The following ERC2 variants were observed in gnomAD, a reference collection of about 807,000 sequenced individuals.
The protein encoded by ERC2 is ELKS/RAB6-interacting/CAST family member 2, also known as ERC protein 2.
A neutral mutation model predicts 114.8 loss-of-function variants in ERC2; 42 were observed. The observed-to-expected ratio is 0.37, with a 90% CI of 0.29 to 0.47. ERC2 has a LOEUF of 0.47. ERC2 is among the 20% of genes least tolerant of loss of function. ERC2 has a pLI of 0.99. For synonymous variants in ERC2, 454 were observed against 425.5 expected (o/e 1.07, Z -0.82); for missense variants, 939 against 1,150.7 (o/e 0.82, Z 2.66).
At position 55,732,942 on chromosome 3, in the gene ERC2, CCA is replaced by C. The variant is rs538884419; in HGVS notation, c.2712+1827_2712+1828del. On this transcript the variant is annotated intron_variant, in intron 15 of 17. Transcript: ENST00000288221. ...AGGTTGGATGAGCTCTTATGCACCCCCACCCCCAATGACGGGGGCAAGTGTCT... is the reference window on the plus strand; with the variant it reads ...AGGTTGGATGAGCTCTTATGCACCCCCCCCCAATGACGGGGGCAAGTGTCT... Among the ~76,000 whole-genome samples the C allele has an allele frequency of 8.1e-3, 1,228 of 152,194 alleles. 12 individuals are homozygous for C. The highest frequency in any genetic ancestry group is 0.013 in the Non-Finnish European group (913 of 67,984).
At chr3:55,869,110 G>C (rs1291417148) in intron 14 of ERC2, among the ~76,000 whole-genome samples, 1 of 152,166 alleles carries the variant, frequency 6.6e-6, no homozygotes, top group African/African-American at 2.4e-5. Flanking sequence ...CAATGTGAAT[G>C]TAAACAATGT....
chr3:56,201,365 T>A (rs1045482610), intron 3 of ERC2, among the ~76,000 whole-genome samples: 1 of 152,216 alleles, frequency 6.6e-6, no homozygotes, highest in Non-Finnish European at 1.5e-5. Context: ...ATAAAACATA[T>A]GATGGAGCCC....
chr3:56,246,370 C>T (rs552145574), intron 3 of ERC2, among the ~76,000 whole-genome samples: 8 of 152,176 alleles, frequency 5.3e-5, no homozygotes, highest in Non-Finnish European at 1.2e-4. Flanking sequence ...CACACATCCA[C>T]CTTGTGACAA....
At chr3:55,602,756 C>G (rs1013271515) in intron 17 of ERC2, among the ~76,000 whole-genome samples, 6 of 152,146 alleles carry the variant, frequency 3.9e-5, no homozygotes, top group Non-Finnish European at 7.4e-5. Context: ...CATTCACCCC[C>G]CCAATGAACG....
chr3:56,059,804 G>A (rs1431484823), intron 7 of ERC2, among the ~76,000 whole-genome samples: 1 of 152,128 alleles, frequency 6.6e-6, no homozygotes, highest in African/African-American at 2.4e-5. Context: ...TTTAGCTATT[G>A]TACAACTTGG....
chr3:55,689,844 C>G (rs1050299281), intron 16 of ERC2, among the ~76,000 whole-genome samples: 1 of 151,684 alleles, frequency 6.6e-6, no homozygotes, highest in Non-Finnish European at 1.5e-5. Context: ...AATGGGACTA[C>G]CATATCCTGG....
intron 1 of ERC2, among the ~76,000 whole-genome samples, chr3:56,459,114 C>T (rs1261044288): frequency 6.6e-6 from 1 of 152,174 alleles, no homozygotes; most frequent in East Asian, 1.9e-4. Context: ...CCCAAACCCA[C>T]CTTCAATCAC....
At chr3:55,800,254 C>A (rs2070933060) in intron 14 of ERC2, among the ~76,000 whole-genome samples, 1 of 152,100 alleles carries the variant, frequency 6.6e-6, no homozygotes, top group Non-Finnish European at 1.5e-5. Context: ...AATTCTCCTG[C>A]CTCAGCCTCC....
At chr3:55,952,136 AACACACACACACACACACACACACAC>A (rs778299355) in intron 12 of ERC2, among the ~76,000 whole-genome samples, 2 of 75,422 alleles carry the variant, frequency 2.7e-5, no homozygotes, top group African/African-American at 8.6e-5. Flanking sequence ...CCATCTCTAA[AACACACACACACACACACACACACAC>A]ACACACACAC....
At chr3:56,449,548 A>G (rs2062737742) in intron 1 of ERC2, among the ~76,000 whole-genome samples, 1 of 152,238 alleles carries the variant, frequency 6.6e-6, no homozygotes, top group South Asian at 2.1e-4. Context: ...GTTATAGGAC[A>G]ATTCTGTAAT....
chr3:56,465,875 G>A (rs1189098494), intron 1 of ERC2, among the ~76,000 whole-genome samples: 2 of 152,268 alleles, frequency 1.3e-5, no homozygotes, highest in Non-Finnish European at 2.9e-5. Flanking sequence ...CTCTTAAAAT[G>A]GTTAGCTCTA....
At position 56,139,732 on chromosome 3, in the gene ERC2, C is replaced by T. The variant is rs111724824; in HGVS notation, c.1306-56G>A. ...TAGAAATTGCTGCCCCTACACTTTA[C>T]ATTGGACAACTACTGATTTCTCTCC... On this transcript the variant is annotated intron_variant, in intron 5 of 17. Coordinates refer to ENST00000288221, the MANE Select transcript of ERC2 (RefSeq NM_015576.3). 1.9e-3 allele frequency: 2,854 copies of T among 1,503,302 alleles called. 43 individuals carry two copies. The African/African-American group carries it at 0.035, about 18-fold the overall frequency. The allele number at this position is 1,503,302 out of a possible 1,614,324, so 93.1% of individuals were successfully genotyped here.
intron 17 of ERC2, among the ~76,000 whole-genome samples, chr3:55,531,423 C>T (rs1575489485): frequency 6.6e-6 from 1 of 152,096 alleles, no homozygotes; most frequent in East Asian, 1.9e-4. Flanking sequence ...ACAAGCCACC[C>T]CTCCCTTGCC....
At chr3:55,947,335 T>C (rs1227473983) in intron 13 of ERC2, among the ~76,000 whole-genome samples, 1 of 152,172 alleles carries the variant, frequency 6.6e-6, no homozygotes, top group Non-Finnish European at 1.5e-5. Flanking sequence ...TTTCTTATAA[T>C]AGAGAAATAT....
At chr3:56,048,020 C>G (rs1238188311) in intron 7 of ERC2, among the ~76,000 whole-genome samples, 1 of 152,140 alleles carries the variant, frequency 6.6e-6, no homozygotes, top group South Asian at 2.1e-4. Context: ...CTATGTAGTA[C>G]CCCAAATGGG....
Position 55,959,490 on chromosome 3 carries a change from C to T in ERC2, c.2268-8930G>A, listed in dbSNP as rs1576363806. Among the ~76,000 whole-genome samples, 3 of 152,266 alleles carry T rather than the reference C, an allele frequency of 2.0e-5. No individual in the cohort carries two copies. In the South Asian group the frequency reaches 6.2e-4, roughly 32 times the overall value. Reference sequence around the variant, plus strand: ...CTCCTGATGGACTTGGTAAGATTGGCATGAGCCCACAGGAAACTCCAAGGA... The same window carrying T: ...CTCCTGATGGACTTGGTAAGATTGGTATGAGCCCACAGGAAACTCCAAGGA... On this transcript the variant is annotated intron_variant, in intron 12 of 17. Transcript: ENST00000288221.
At chr3:56,078,453 G>C (rs1460654377) in intron 7 of ERC2, among the ~76,000 whole-genome samples, 1 of 152,180 alleles carries the variant, frequency 6.6e-6, no homozygotes, top group Non-Finnish European at 1.5e-5. Context: ...CTGGCTCTCA[G>C]AGTTTAAGAA....
intron 14 of ERC2, among the ~76,000 whole-genome samples, chr3:55,846,754 A>G (rs1271953494): frequency 1.4e-5 from 2 of 145,182 alleles, no homozygotes; most frequent in African/African-American, 2.6e-5. Context: ...CGTCTGCATT[A>G]TGTGTTTTGT....
intron 3 of ERC2, among the ~76,000 whole-genome samples, chr3:56,179,900 G>C (rs928540984): frequency 6.6e-6 from 1 of 152,152 alleles, no homozygotes; most frequent in Non-Finnish European, 1.5e-5. Flanking sequence ...TTTGGGATCA[G>C]TGAATAGACA....
Sources: gnomAD v4.1 joint callset for allele counts (sites outside exome capture counted in the v4.1 genomes callset) on GRCh38, gnomAD v4.1.1 for gene constraint, MANE v1.5 for transcripts, NCBI Gene and HGNC (gene_info 2026-07-23, HGNC 2026-07-21) for gene names.